PRKN: variants seen among roughly 807,000 people sequenced by gnomAD.
PRKN encodes the protein parkin RBR E3 ubiquitin protein ligase.
In PRKN, 56 loss-of-function variants were observed where a neutral mutation model predicts 59.5. That is an observed-to-expected ratio of 0.94 (90% CI 0.76 to 1.18). The LOEUF (loss-of-function observed/expected upper bound fraction) is 1.18. Among genes scored for constraint, PRKN ranks in the 50% most tolerant of loss-of-function variants. The pLI, the probability that PRKN is intolerant of heterozygous loss-of-function variation, is 0.00. For synonymous variants in PRKN, 250 were observed against 222.1 expected (o/e 1.13, Z -1.12); for missense variants, 657 against 596.4 (o/e 1.10, Z -1.06).
intron 3 of PRKN, among the ~76,000 whole-genome samples, chr6:162,230,442 C>G (rs1482511526): frequency 6.6e-6 from 1 of 152,188 alleles, no homozygotes; most frequent in Non-Finnish European, 1.5e-5. Flanking sequence ...CTGGGAGGAT[C>G]CAGGGGAAGA....
intron 10 of PRKN, chr6:161,370,042 C>A: frequency 4.6e-6 from 2 of 434,326 alleles, no homozygotes; most frequent in East Asian, 1.4e-4. Flanking sequence ...TTGTAATCAT[C>A]ACGATCATCT....
intron 3 of PRKN, among the ~76,000 whole-genome samples, chr6:162,220,416 T>A (rs1311970554): frequency 6.6e-6 from 1 of 152,082 alleles, no homozygotes; most frequent in Non-Finnish European, 1.5e-5. Context: ...CAGTCTGGAA[T>A]CTTCAGGAAT....
At chr6:161,493,752 G>A (rs996394863) in intron 9 of PRKN, among the ~76,000 whole-genome samples, 3 of 152,252 alleles carry the variant, frequency 2.0e-5, no homozygotes, top group African/African-American at 4.8e-5. Flanking sequence ...CATTAGCACA[G>A]AGAAGCAAAA....
rs900511207 is a variant in PRKN at position 161,355,519 on chromosome 6, G to A, written c.1285+4569C>T. On this transcript the variant is annotated intron_variant, in intron 11 of 11. Coordinates refer to ENST00000366898, the MANE Select transcript of PRKN (RefSeq NM_004562.3). This position sits in a 1 kb window ranked among gnomAD's most constrained non-coding sequence, Gnocchi z 6.8. Reference sequence around the variant, plus strand: ...TGGGTTCAACCAATTCTTGTGTCTCGGCCTCCCGAGTAGCTGGGATCACAG... The same window carrying A: ...TGGGTTCAACCAATTCTTGTGTCTCAGCCTCCCGAGTAGCTGGGATCACAG... Among the ~76,000 whole-genome samples the A allele has an allele frequency of 1.1e-4, 16 of 152,042 alleles. 1 individual carries two copies. Among genetic ancestry groups the A allele is most frequent in the Admixed American group, 6.5e-4 (10 of 15,270 alleles).
At chr6:162,413,119 A>C (rs1459661519) in intron 2 of PRKN, among the ~76,000 whole-genome samples, 1 of 152,198 alleles carries the variant, frequency 6.6e-6, no homozygotes, top group Non-Finnish European at 1.5e-5. Flanking sequence ...GTAATAGGTA[A>C]GACCAGTCTG....
At chr6:162,068,516 GCT>G (rs1778434057) in intron 4 of PRKN, among the ~76,000 whole-genome samples, 1 of 152,170 alleles carries the variant, frequency 6.6e-6, no homozygotes, top group Admixed American at 6.5e-5. Flanking sequence ...TAGCTTCTAA[GCT>G]CTCTCAGGCT....
chr6:161,368,286 T>TA (rs1785292342), intron 10 of PRKN, among the ~76,000 whole-genome samples: 1 of 101,380 alleles, frequency 9.9e-6, no homozygotes, highest in Non-Finnish European at 2.0e-5. Context: ...TATGTATATA[T>TA]TTATATATAT....
chr6:161,769,591 C>G (rs75855540), intron 7 of PRKN, among the ~76,000 whole-genome samples: 3,310 of 152,272 alleles, frequency 0.022, 123 homozygotes, highest in African/African-American at 0.076. Flanking sequence ...GGGTCCATTA[C>G]TGAGACTCCC....
At chr6:162,513,830 G>C (rs1296451175) in intron 1 of PRKN, among the ~76,000 whole-genome samples, 1 of 152,028 alleles carries the variant, frequency 6.6e-6, no homozygotes, top group Non-Finnish European at 1.5e-5. Flanking sequence ...GAGGCAGGTG[G>C]ACCACTTGAA....
rs1043883628 is a variant in PRKN at position 161,533,900 on chromosome 6, C to T, written c.1083+14954G>A. On this transcript the variant is annotated intron_variant, in intron 9 of 11. Coordinates refer to ENST00000366898, the MANE Select transcript of PRKN (RefSeq NM_004562.3). The surrounding 1 kb of genome is among the most constrained non-coding windows in gnomAD (Gnocchi z 4.1). ...TAGTAGGAAGAGAAAAGATAAACAG[C>T]GATTCCTGTTTTATAAGGTAGGAAG... Among the ~76,000 whole-genome samples the T allele has an allele frequency of 3.9e-5, 6 of 152,098 alleles. No individual in the cohort carries two copies. Among genetic ancestry groups the T allele is most frequent in the African/African-American group, 7.2e-5 (3 of 41,404 alleles).
At chr6:162,272,407 C>T (rs2128103666) in intron 2 of PRKN, among the ~76,000 whole-genome samples, 1 of 152,202 alleles carries the variant, frequency 6.6e-6, no homozygotes, top group South Asian at 2.1e-4. Context: ...ATATTATGAA[C>T]ACTTTAAAAT....
chr6:162,235,993 GAAA>G (rs1778685212), intron 3 of PRKN, among the ~76,000 whole-genome samples: 1 of 135,000 alleles, frequency 7.4e-6, no homozygotes, highest in Non-Finnish European at 1.6e-5. Flanking sequence ...AAGAAAGAAA[GAAA>G]GAAAGAAAGA....
chr6:161,757,962 AAT>A (rs140547354), intron 7 of PRKN, among the ~76,000 whole-genome samples: 26 of 134,156 alleles, frequency 1.9e-4, no homozygotes, highest in Middle Eastern at 3.5e-3. Flanking sequence ...TATACAGTTA[AAT>A]ATATATATAT....
Position 162,679,361 on chromosome 6 carries a change from C to T in PRKN, c.7+48301G>A, listed in dbSNP as rs941803665. On this transcript the variant is annotated intron_variant, in intron 1 of 11. Coordinates refer to ENST00000366898, the MANE Select transcript of PRKN (RefSeq NM_004562.3). ...TCAAGTGATCCGCCCACCTCGGCCT[C>T]CCAAAATGCTAGAATTACAGGTGTG... Among the ~76,000 whole-genome samples, 24 of 152,078 alleles carry T rather than the reference C, an allele frequency of 1.6e-4. 1 individual carries two copies. Among genetic ancestry groups the T allele is most frequent in the Admixed American group, 1.4e-3 (22 of 15,264 alleles).
Position 161,456,037 on chromosome 6 carries a change from C to G in PRKN, c.1084-69160G>C, listed in dbSNP as rs574564318. Among the ~76,000 whole-genome samples, 9 of 152,074 alleles carry G rather than the reference C, an allele frequency of 5.9e-5. No individual in the cohort carries two copies. The highest frequency in any genetic ancestry group is 8.8e-5 in the Non-Finnish European group (6 of 68,034). On this transcript the variant is annotated intron_variant, in intron 9 of 11. Transcript: ENST00000366898. This position sits in a 1 kb window ranked among gnomAD's most constrained non-coding sequence, Gnocchi z 4.8. ...TGAAAAAATGTTTTCCTAAGGAGAA[C>G]GTTGGCCTCTAGGGGAAGCAAAGGG...
At chr6:162,588,758 A>G (rs113488146) in intron 1 of PRKN, among the ~76,000 whole-genome samples, 3,133 of 152,006 alleles carry the variant, frequency 0.021, 109 homozygotes, top group African/African-American at 0.07. Context: ...TCACCGTGTT[A>G]GCCAGGATGG....
At chr6:161,958,894 T>C (rs1269811826) in intron 6 of PRKN, among the ~76,000 whole-genome samples, 1 of 144,736 alleles carries the variant, frequency 6.9e-6, no homozygotes, top group Non-Finnish European at 1.5e-5. Flanking sequence ...AAAAAAAAAA[T>C]GAGAGAGAAA....
chr6:162,400,456 TC>T (rs376022122), intron 2 of PRKN, among the ~76,000 whole-genome samples: 870 of 55,528 alleles, frequency 0.016, 14 homozygotes, highest in African/African-American at 0.04. Context: ...CATGTAAATA[TC>T]AAAAAAAAAA....
chr6:162,026,404 T>C (rs1467551730), intron 5 of PRKN, among the ~76,000 whole-genome samples: 1 of 152,230 alleles, frequency 6.6e-6, no homozygotes, highest in South Asian at 2.1e-4. Flanking sequence ...AGAACCAGAA[T>C]GTAGGTCCTG....
Sources: allele counts gnomAD v4.1 joint callset (sites outside exome capture counted in the v4.1 genomes callset), GRCh38; gene constraint gnomAD v4.1.1; non-coding constraint Gnocchi (gnomAD v3.1); transcripts MANE v1.5; gene names NCBI Gene and HGNC (gene_info 2026-07-23, HGNC 2026-07-21).